The following GLB1L2 variants were observed in gnomAD, a reference collection of about 807,000 sequenced individuals.
GLB1L2 encodes the protein galactosidase beta 1 like 2, also known as beta-galactosidase-1-like protein 2.
GLB1L2 carries 68 observed loss-of-function variants against 84.1 expected under a neutral mutation model. That is an observed-to-expected ratio of 0.81 (90% CI 0.67 to 0.99). The LOEUF is 0.99. Among genes scored for constraint, GLB1L2 ranks in the 50% least tolerant of loss-of-function variants. The pLI is 0.00. For missense variants in GLB1L2, 762 were observed against 805.6 expected (o/e 0.95, Z 0.66); for synonymous variants, 290 against 318.0 (o/e 0.91, Z 0.94).
intron 6 of GLB1L2, among the ~76,000 whole-genome samples, chr11:134,358,252 C>T (rs1943732911): frequency 1.3e-5 from 2 of 152,262 alleles, no homozygotes; most frequent in Admixed American, 6.5e-5. Context: ...CACCTCAGCA[C>T]AGAGCCTTTG....
intron 9 of GLB1L2, 39 bp from the exon 10 acceptor site, chr11:134,368,605 A>C (rs1168743756): frequency 1.9e-6 from 3 of 1,611,394 alleles, no homozygotes; most frequent in Non-Finnish European, 1.7e-6. Context: ...CTCAGACTTT[A>C]ACTCACTCTG....
At chr11:134,367,981 G>A (rs916557345) in intron 9 of GLB1L2, among the ~76,000 whole-genome samples, 1 of 152,204 alleles carries the variant, frequency 6.6e-6, no homozygotes. Flanking sequence ...GAGCGGCACA[G>A]GGGCTCCTCG....
intron 8 of GLB1L2, chr11:134,365,216 C>T (rs61908679): frequency 0.11 from 16,260 of 152,322 alleles, 956 homozygotes; most frequent in Non-Finnish European, 0.12. Context: ...CGTGTGGGGC[C>T]GTGTGTGTGT....
chr11:134,338,350 A>C lies in GLB1L2; in HGVS notation c.87-4404A>C, dbSNP rs1416399621. 3.9e-5 allele frequency among the ~76,000 whole-genome samples: 6 copies of C among 152,166 alleles called. No homozygotes were observed. Among genetic ancestry groups the C allele is most frequent in the African/African-American group, 1.4e-4 (6 of 41,446 alleles). ...ATTTCAAGCCTGGCACACTTCACTC[A>C]AGGAGATCCTTTCTGGTGGTGACAG... On this transcript the variant is annotated intron_variant, in intron 1 of 18. Coordinates refer to ENST00000535456, the MANE Select transcript of GLB1L2 (RefSeq NM_001370461.1). The surrounding 1 kb of genome is among the most constrained non-coding windows in gnomAD (Gnocchi z 6.2).
chr11:134,373,963 A>G (rs917622218), intron 16 of GLB1L2, among the ~76,000 whole-genome samples, 155 bp downstream of exon 16: 1 of 152,186 alleles, frequency 6.6e-6, no homozygotes, highest in African/African-American at 2.4e-5. Flanking sequence ...TGGCACCCGC[A>G]CTAGAAGCCG....
intron 15 of GLB1L2, 24 bp downstream of exon 15, chr11:134,371,854 G>T (rs752746458): frequency 2.5e-6 from 4 of 1,607,578 alleles, no homozygotes; most frequent in Non-Finnish European, 3.4e-6. Context: ...TGTGTCAAAA[G>T]AAGAGTGGCC....
rs1943424372 is a variant in GLB1L2, at chr11:134,338,791, CTT to C, written c.87-3962_87-3961del. On this transcript the variant is annotated intron_variant, in intron 1 of 18. Coordinates refer to ENST00000535456, the MANE Select transcript of GLB1L2 (RefSeq NM_001370461.1). The surrounding 1 kb of genome is among the most constrained non-coding windows in gnomAD (Gnocchi z 6.2). ...ACTGGTGAGGATGGGCTGTAGAGGTCTTGTTAGGTTGTGCGCGGCCCCATCAG... is the reference window on the plus strand; with the variant it reads ...ACTGGTGAGGATGGGCTGTAGAGGTCGTTAGGTTGTGCGCGGCCCCATCAG... Among the ~76,000 whole-genome samples, 3 of 152,282 alleles carry C rather than the reference CTT, an allele frequency of 2.0e-5. No homozygotes were observed. In the East Asian group the frequency reaches 5.8e-4, roughly 29 times the overall value.
chr11:134,337,439 C>T (rs532814891), intron 1 of GLB1L2, among the ~76,000 whole-genome samples: 19 of 152,218 alleles, frequency 1.2e-4, no homozygotes, highest in Admixed American at 5.2e-4. Context: ...TCCTGGAGCC[C>T]GGGGATTGGT....
chr11:134,349,416 C>T (rs1017555995), intron 5 of GLB1L2, among the ~76,000 whole-genome samples: 1 of 152,226 alleles, frequency 6.6e-6, no homozygotes, highest in Non-Finnish European at 1.5e-5. Context: ...GTACAAATAC[C>T]TTTCTGAGCC....
At chr11:134,356,162 C>A in intron 5 of GLB1L2, 139 bp from the exon 6 acceptor site, 1 of 756,332 alleles carries the variant, frequency 1.3e-6, no homozygotes, top group Non-Finnish European at 2.4e-6. Context: ...GCTTCTTCCA[C>A]TGTCTTATTG....
Position 134,342,751 on chromosome 11 carries a change from C to T in GLB1L2, c.87-3C>T, listed in dbSNP as rs1324677263. ...AGGCTCCAGAATGTCTTTGTCTTTC[C>T]AGGCTGGACTGGAGCACCCTGGTCC... is the stretch of plus-strand genomic sequence containing the variant. On this transcript the variant is annotated splice_polypyrimidine_tract_variant and splice_region_variant and intron_variant, in intron 1 of 18. Transcript: ENST00000535456. 3 of 1,612,770 alleles carry T rather than the reference C, an allele frequency of 1.9e-6. No individual in the cohort carries two copies. Among genetic ancestry groups the T allele is most frequent in the African/African-American group, 2.7e-5 (2 of 74,892 alleles).
chr11:134,343,517 C>T lies in GLB1L2; in HGVS notation c.284+566C>T, dbSNP rs75820823. On this transcript the variant is annotated intron_variant, in intron 2 of 18. Coordinates refer to ENST00000535456, the MANE Select transcript of GLB1L2 (RefSeq NM_001370461.1). ...CCCCAAATTGCCAACTGATACTTGA[C>T]GCTAAGTCTATGAAATAAAGGGGGT... Among the ~76,000 whole-genome samples the T allele has an allele frequency of 2.8e-3, 419 of 152,294 alleles. 4 individuals carry two copies. The highest frequency in any genetic ancestry group is 9.4e-3 in the African/African-American group (392 of 41,540).
chr11:134,374,128 C>T lies in GLB1L2; in HGVS notation c.1596-17C>T, dbSNP rs377563408. 6.3e-7 allele frequency: 1 copy of T among 1,575,262 alleles called. No individual in the cohort carries two copies. Among genetic ancestry groups the T allele is most frequent in the Non-Finnish European group, 8.7e-7 (1 of 1,144,836 alleles). ...AGAAGGGCCTCCTCCCTCTCCTTCT[C>T]TGTGTTCTGTCCTTAGGTTCGGCCT... On this transcript the variant is annotated splice_polypyrimidine_tract_variant and intron_variant, in intron 16 of 18. Transcript: ENST00000535456.
intron 5 of GLB1L2, 130 bp from the exon 6 acceptor site, chr11:134,356,171 T>G: frequency 1.3e-6 from 1 of 768,136 alleles, no homozygotes; most frequent in East Asian, 2.5e-5. Context: ...ACTGTCTTAT[T>G]GATACTAATC....
chr11:134,371,736 C>G lies in GLB1L2; in HGVS notation c.1429-16C>G. On this transcript the variant is annotated splice_polypyrimidine_tract_variant and intron_variant, in intron 14 of 18. Coordinates refer to ENST00000535456, the MANE Select transcript of GLB1L2 (RefSeq NM_001370461.1). ...TGGCCTTCTGACAGTCATCGTTAGC[C>G]CCGTGTTCCCGGCAGGGTTACACCG... The G allele has an allele frequency of 6.2e-7, 1 of 1,613,500 alleles. No homozygotes were observed. The highest frequency in any genetic ancestry group is 8.5e-7 in the Non-Finnish European group (1 of 1,179,674).
chr11:134,367,912 C>CATCCCGGT (rs1943887002), intron 9 of GLB1L2, among the ~76,000 whole-genome samples: 1 of 152,144 alleles, frequency 6.6e-6, no homozygotes, highest in Admixed American at 6.5e-5. Flanking sequence ...GCCATCCCGG[C>CATCCCGGT]GAGCATCCCG....
rs367790049 is a variant in GLB1L2, at chr11:134,351,345, C to CTTT, written c.558+3927_558+3929dup. Among the ~76,000 whole-genome samples the CTTT allele has an allele frequency of 0.018, 2,278 of 129,052 alleles. 210 individuals carry two copies. In the East Asian group the frequency reaches 0.25, roughly 14 times the overall value. 84.7% of individuals were successfully genotyped at this position (129,052 alleles called of 152,430 possible). A position where few individuals can be genotyped will look rare whatever the true frequency, so the allele number is the denominator to read the frequency against. On this transcript the variant is annotated intron_variant, in intron 5 of 18. Coordinates refer to ENST00000535456, the MANE Select transcript of GLB1L2 (RefSeq NM_001370461.1). ...TTACATTGATTGATTCTTTTTCTTT[C>CTTT]TTTTTTTTTTTTTTTTTGAGATGGT...
intron 5 of GLB1L2, among the ~76,000 whole-genome samples, chr11:134,353,760 AC>A (rs1943666734): frequency 6.6e-6 from 1 of 152,030 alleles, no homozygotes. Flanking sequence ...TGGTGAATTG[AC>A]CCTTTTATCA....
At chr11:134,372,191 C>A (rs1943963446) in intron 15 of GLB1L2, among the ~76,000 whole-genome samples, 1 of 152,140 alleles carries the variant, frequency 6.6e-6, no homozygotes, top group Non-Finnish European at 1.5e-5. Flanking sequence ...GGCACAAGAC[C>A]CCTGCCTTCT....
Sources: gnomAD v4.1 joint callset for allele counts (sites outside exome capture counted in the v4.1 genomes callset) on GRCh38, gnomAD v4.1.1 for gene constraint, Gnocchi (gnomAD v3.1) non-coding constraint, MANE v1.5 for transcripts, NCBI Gene and HGNC (gene_info 2026-07-23, HGNC 2026-07-21) for gene names.